The following AKR1C8 variants were observed in gnomAD, a reference collection of about 807,000 sequenced individuals.
AKR1C8 encodes aldo-keto reductase family 1 member C8.
the AKR1C8 span, among the ~76,000 whole-genome samples, chr10:5,139,457 AGACCAATG>A: frequency 3.3e-5 from 5 of 152,352 alleles, no homozygotes; most frequent in East Asian, 9.6e-4. Flanking sequence ...ACAGAGATAT[AGACCAATG>A]GAACAGAACA....
chr10:5,170,118 G>A, the AKR1C8 span, among the ~76,000 whole-genome samples: 1 of 152,066 alleles, frequency 6.6e-6, no homozygotes, highest in African/African-American at 2.4e-5. Flanking sequence ...GGCACCAGCA[G>A]TGAAGAGATT....
the AKR1C8 span, among the ~76,000 whole-genome samples, chr10:5,183,299 CTTTA>C: frequency 6.6e-6 from 1 of 152,082 alleles, no homozygotes; most frequent in African/African-American, 2.4e-5. Flanking sequence ...CCAGAGGTTG[CTTTA>C]TTTGAGAAAA....
chr10:5,161,166 G>A, the AKR1C8 span, among the ~76,000 whole-genome samples: 1 of 152,158 alleles, frequency 6.6e-6, no homozygotes, highest in African/African-American at 2.4e-5. Flanking sequence ...ATAACTTCCA[G>A]GTTCCATCCT....
chr10:5,176,523 T>C, the AKR1C8 span, among the ~76,000 whole-genome samples: 1 of 150,726 alleles, frequency 6.6e-6, no homozygotes, highest in Non-Finnish European at 1.5e-5. Context: ...AGAAAGTCAT[T>C]GGTAGCTTGA....
chr10:5,146,384 G>C, the AKR1C8 span, among the ~76,000 whole-genome samples: 1 of 151,992 alleles, frequency 6.6e-6, no homozygotes, highest in Non-Finnish European at 1.5e-5. Flanking sequence ...ATAAAATAAT[G>C]TTGCTTGGTT....
chr10:5,154,191 G>T, the AKR1C8 span: 1 of 470,116 alleles, frequency 2.1e-6, no homozygotes, highest in Non-Finnish European at 4.4e-6. Flanking sequence ...CACTGAAAGA[G>T]AAAAAATATT....
At chr10:5,127,610 T>G in the AKR1C8 span, among the ~76,000 whole-genome samples, 1 of 122,658 alleles carries the variant, frequency 8.2e-6, no homozygotes, top group Non-Finnish European at 1.7e-5. Flanking sequence ...TCCCAGCTAC[T>G]CAGGAGCCTG....
At chr10:5,170,975 G>C in the AKR1C8 span, among the ~76,000 whole-genome samples, 1 of 152,072 alleles carries the variant, frequency 6.6e-6, no homozygotes, top group Non-Finnish European at 1.5e-5. Flanking sequence ...GCTGTTAATA[G>C]CTCAAAAGAA....
the AKR1C8 span, among the ~76,000 whole-genome samples, chr10:5,129,456 C>T: frequency 1.8e-3 from 268 of 151,582 alleles, 3 homozygotes; most frequent in African/African-American, 6.0e-3. Context: ...AACAAAACAC[C>T]CCCACAAAAG....
At chr10:5,135,693 G>A in the AKR1C8 span, among the ~76,000 whole-genome samples, 8 of 152,178 alleles carry the variant, frequency 5.3e-5, no homozygotes, top group East Asian at 1.9e-4. Context: ...TGTTCATGCC[G>A]TGATGATGTT....
At chr10:5,156,216 C>G in the AKR1C8 span, among the ~76,000 whole-genome samples, 109 of 152,230 alleles carry the variant, frequency 7.2e-4, 1 homozygote, top group African/African-American at 2.6e-3. Flanking sequence ...ATCTGTTTGC[C>G]TCAGAAAAAG....
chr10:5,168,228 T>G, the AKR1C8 span, among the ~76,000 whole-genome samples: 1 of 151,968 alleles, frequency 6.6e-6, no homozygotes. Context: ...TTTGTAAGCA[T>G]TATAAAATTG....
the AKR1C8 span, chr10:5,155,458 A>G: frequency 7.9e-6 from 2 of 252,536 alleles, no homozygotes; most frequent in African/African-American, 4.6e-5. Flanking sequence ...TGGATTCACA[A>G]TGGTGCAGAC....
At chr10:5,167,983 T>C in the AKR1C8 span, among the ~76,000 whole-genome samples, 1 of 152,076 alleles carries the variant, frequency 6.6e-6, no homozygotes, top group Non-Finnish European at 1.5e-5. Flanking sequence ...AATAGTCAGA[T>C]TTCCTTGTCA....
chr10:5,123,738 G>A, the AKR1C8 span: 1 of 1,613,206 alleles, frequency 6.2e-7, no homozygotes, highest in African/African-American at 1.3e-5. Flanking sequence ...GGTTCCCAGA[G>A]CACTGTGGGC....
the AKR1C8 span, among the ~76,000 whole-genome samples, chr10:5,142,265 T>C: frequency 6.6e-6 from 1 of 152,166 alleles, no homozygotes; most frequent in Non-Finnish European, 1.5e-5. Flanking sequence ...CCTAAGGGAA[T>C]GTTGTGGCTG....
the AKR1C8 span, among the ~76,000 whole-genome samples, chr10:5,125,623 C>T: frequency 1.3e-5 from 2 of 152,260 alleles, no homozygotes; most frequent in Admixed American, 6.5e-5. Context: ...GTCCCTGTTG[C>T]CTGCAACTAC....
the AKR1C8 span, among the ~76,000 whole-genome samples, chr10:5,168,740 G>A: frequency 3.3e-5 from 5 of 152,038 alleles, no homozygotes; most frequent in Non-Finnish European, 5.9e-5. Context: ...AAAGGGGAAA[G>A]AGAATGAAAA....
At chr10:5,141,971 G>A in the AKR1C8 span, among the ~76,000 whole-genome samples, 153 of 152,144 alleles carry the variant, frequency 1.0e-3, 1 homozygote, top group African/African-American at 3.5e-3. Flanking sequence ...GTCCTAGATG[G>A]CACCTTTTTT....
Sources: gnomAD v4.1 joint callset for allele counts (sites outside exome capture counted in the v4.1 genomes callset) on GRCh38, gnomAD v4.1.1 for gene constraint, MANE v1.5 for transcripts, NCBI Gene and HGNC (gene_info 2026-07-23, HGNC 2026-07-21) for gene names.